ITFG2: variants seen among roughly 807,000 people sequenced by gnomAD.
The protein encoded by ITFG2 is KICSTOR complex protein ITFG2.
A neutral mutation model predicts 54.4 loss-of-function variants in ITFG2; 36 were observed. That is an observed-to-expected ratio of 0.66 (90% CI 0.51 to 0.87). The LOEUF (loss-of-function observed/expected upper bound fraction) is 0.87. Among genes scored for constraint, ITFG2 ranks in the 40% least tolerant of loss-of-function variants. The pLI, the probability that ITFG2 is intolerant of heterozygous loss-of-function variation, is 0.00. For synonymous variants in ITFG2, 211 were observed against 225.4 expected (o/e 0.94, Z 0.57); for missense variants, 524 against 576.7 (o/e 0.91, Z 0.94).
intron 3 of ITFG2, chr12:2,859,523 T>C (rs1259789025): frequency 6.2e-7 from 1 of 1,613,898 alleles, no homozygotes; most frequent in Non-Finnish European, 8.5e-7. Context: ...AGTGTGGCAT[T>C]TCCTCCCCAG....
In ITFG2 at chr12:2,845,795, T is replaced by C. The variant is rs761509385; in HGVS notation, n.300+4800T>C. On this transcript the variant is annotated intron_variant and non_coding_transcript_variant, in intron 2 of 3. Coordinates refer to the ITFG2 transcript ENST00000537710. This position sits in a 1 kb window ranked among gnomAD's most constrained non-coding sequence, Gnocchi z 4.2. ...CTTTCAGGACCTCTAGGTTCATTCG[T>C]GTGTGGGGATGGAGTAAGGAGGTTG... Among the ~76,000 whole-genome samples the C allele has an allele frequency of 6.6e-6, 1 of 152,084 alleles. No individual in the cohort carries two copies. Among genetic ancestry groups the C allele is most frequent in the African/African-American group, 2.4e-5 (1 of 41,424 alleles).
intron 1 of ITFG2, among the ~76,000 whole-genome samples, chr12:2,840,400 G>A (rs1329178848): frequency 6.7e-6 from 1 of 150,026 alleles, no homozygotes; most frequent in Non-Finnish European, 1.5e-5. Context: ...AAGTTGAAGT[G>A]AGCCGAGATC....
At position 2,830,804 on chromosome 12, in the gene ITFG2, C is replaced by A. The variant is rs1036210657; in HGVS notation, c.*60-30C>A. On this transcript the variant is annotated intron_variant and NMD_transcript_variant, in intron 2 of 2. Transcript: ENST00000538822. ...GGTCCTGCATCCGGGGAGGCTCCCCCTGAAGCCAATTCGGGTTTCCCTCCA... is the reference window on the plus strand; with the variant it reads ...GGTCCTGCATCCGGGGAGGCTCCCCATGAAGCCAATTCGGGTTTCCCTCCA... 18 of 1,613,864 alleles carry A rather than the reference C, an allele frequency of 1.1e-5. No individual in the cohort carries two copies. Among genetic ancestry groups the A allele is most frequent in the African/African-American group, 8.0e-5 (6 of 75,018 alleles).
Position 2,824,149 on chromosome 12 carries a change from C to G in ITFG2, c.1300C>G (p.Gln434Glu). The G allele has an allele frequency of 6.2e-7, 1 of 1,614,186 alleles. No homozygotes were observed. Among genetic ancestry groups the G allele is most frequent in the Non-Finnish European group, 8.5e-7 (1 of 1,180,036 alleles). ...TCACCAAACGCTCTACCATCCAGAC[C>G]AGCCACCACAGTGTGCTCCCTCAAG... ...LLHQTLYHPD[Q>E]PPQCAPSSLQ... Residue 434 changes from glutamine to glutamate, a missense_variant, in exon 12 of 12, where the codon CAG becomes GAG. Physicochemically the swap from Gln to Glu is conservative, Grantham distance 29. Transcript: ENST00000228799.
intron 5 of ITFG2, 23 bp from the exon 6 acceptor site, chr12:2,820,701 T>G (rs1416461753): frequency 6.7e-6 from 9 of 1,352,696 alleles, no homozygotes; most frequent in Non-Finnish European, 8.8e-6. Context: ...TCCGTCTCCC[T>G]TTAATCCCAT....
At chr12:2,817,976 G>C (rs1168281299) in intron 3 of ITFG2, 26 bp downstream of exon 3, 21 of 1,612,342 alleles carry the variant, frequency 1.3e-5, no homozygotes, top group African/African-American at 2.7e-5. Context: ...GACCTTCCTT[G>C]GTTCTTAGCT....
chr12:2,842,830 T>C (rs1195358742), intron 2 of ITFG2, among the ~76,000 whole-genome samples: 1 of 152,190 alleles, frequency 6.6e-6, no homozygotes, highest in African/African-American at 2.4e-5. Flanking sequence ...CTTTCCTCTT[T>C]CCTGATAGAA....
chr12:2,846,637 C>T (rs748200949), intron 2 of ITFG2, among the ~76,000 whole-genome samples: 19 of 152,058 alleles, frequency 1.2e-4, no homozygotes, highest in South Asian at 6.2e-4. Flanking sequence ...AAAGGGAACC[C>T]TCCTTTCCAC....
intron 9 of ITFG2, 125 bp downstream of exon 9, chr12:2,821,917 CT>C (rs372351675): frequency 0.05 from 21,020 of 416,706 alleles, 1 homozygote; most frequent in South Asian, 0.088. Context: ...GTCTCTGTCT[CT>C]TTTTTTTTTT....
chr12:2,846,823 CACGG>C (rs1432850755), intron 2 of ITFG2, among the ~76,000 whole-genome samples: 3 of 152,012 alleles, frequency 2.0e-5, no homozygotes, highest in African/African-American at 7.2e-5. Flanking sequence ...GTAAGACAAT[CACGG>C]ACATGGCGTT....
At chr12:2,837,973 C>T (rs2098032592) in intron 1 of ITFG2, among the ~76,000 whole-genome samples, 1 of 152,164 alleles carries the variant, frequency 6.6e-6, no homozygotes, top group Non-Finnish European at 1.5e-5. Flanking sequence ...ATGATAAACA[C>T]GGAAAGAAAA....
rs183860902 is a variant in ITFG2 at position 2,816,539 on chromosome 12, T to C, written c.97-684T>C. Among the ~76,000 whole-genome samples, 483 of 151,412 alleles carry C rather than the reference T, an allele frequency of 3.2e-3. 3 individuals are homozygous for C. The highest frequency in any genetic ancestry group is 0.011 in the African/African-American group (464 of 41,194). Reference sequence around the variant, plus strand: ...AGAAACAGGGTTTCACTGTGTTAGCTAGGATGGTCTCAATCTCCTGACCTC... The same window carrying C: ...AGAAACAGGGTTTCACTGTGTTAGCCAGGATGGTCTCAATCTCCTGACCTC... On this transcript the variant is annotated intron_variant, in intron 1 of 11. Transcript: ENST00000228799.
chr12:2,824,991 C>G lies in ITFG2; in HGVS notation c.*798C>G, dbSNP rs1384101457. On this transcript the variant is annotated 3_prime_UTR_variant, in exon 12 of 12. Coordinates refer to ENST00000228799, the MANE Select transcript of ITFG2 (RefSeq NM_018463.4). ...ATGCTCTAAATCGGTGTTTTTCAAA[C>G]TGTGGTTGCAGTCCTTTGGTGGATT... The G allele has an allele frequency of 6.6e-6, 1 of 152,288 alleles. No homozygotes were observed. Among genetic ancestry groups the G allele is most frequent in the Non-Finnish European group, 1.5e-5 (1 of 68,110 alleles). 9.4% of individuals were successfully genotyped at this position (152,288 alleles called of 1,614,324 possible).
chr12:2,830,098 A>G (rs1324632353), intron 2 of ITFG2: 1 of 152,092 alleles, frequency 6.6e-6, no homozygotes, highest in Admixed American at 6.6e-5. Flanking sequence ...TTTTTTTTAA[A>G]AAAAGGACGT....
At chr12:2,855,607 T>C (rs1222437725) in intron 2 of ITFG2, among the ~76,000 whole-genome samples, 1 of 152,202 alleles carries the variant, frequency 6.6e-6, no homozygotes, top group African/African-American at 2.4e-5. Flanking sequence ...ATCCCTCTCC[T>C]TCCCGGCGGA....
chr12:2,848,914 C>A, intron 2 of ITFG2: 1 of 380,000 alleles, frequency 2.6e-6, no homozygotes, highest in South Asian at 3.0e-5. Context: ...CACACACACT[C>A]CTTCCTTCCC....
intron 1 of ITFG2, among the ~76,000 whole-genome samples, chr12:2,837,633 G>A (rs990497334): frequency 4.6e-5 from 7 of 151,526 alleles, no homozygotes; most frequent in African/African-American, 4.8e-5. Context: ...GTGAAACTCC[G>A]TCTCAAAAAA....
At chr12:2,821,423 G>A (rs2153924632) in intron 7 of ITFG2, 64 bp downstream of exon 7, 1 of 1,541,248 alleles carries the variant, frequency 6.5e-7, no homozygotes, top group Non-Finnish European at 8.9e-7. Context: ...GAGGAGTGGA[G>A]ATCCATAGCT....
rs781508346 is a variant in ITFG2, at chr12:2,822,820, A to G, written c.975A>G (p.Ala325=). 121 of 1,614,128 alleles carry G rather than the reference A, an allele frequency of 7.5e-5. No homozygotes were observed. In the East Asian group the frequency reaches 2.6e-3, roughly 34 times the overall value. ...VTGNGHEEVV[A]CAWDGQTYII... ...GCAACGGGCATGAGGAGGTAGTTGC[A>G]TGCGCCTGGGATGGACAGACATATA... Residue 325 remains alanine (A), a synonymous_variant, in exon 10 of 12, where the codon GCA becomes GCG. Transcript: ENST00000228799.
Sources: gnomAD v4.1 joint callset for allele counts (sites outside exome capture counted in the v4.1 genomes callset) on GRCh38, gnomAD v4.1.1 for gene constraint, Gnocchi (gnomAD v3.1) non-coding constraint, MANE v1.5 for transcripts, NCBI Gene and HGNC (gene_info 2026-07-23, HGNC 2026-07-21) for gene names.